YIPF4: variants seen among roughly 807,000 people sequenced by gnomAD.
The protein encoded by YIPF4 is Yip1 domain family member 4.
In YIPF4, 18 loss-of-function variants were observed where a neutral mutation model predicts 29.4. The observed-to-expected ratio is 0.61, with a 90% CI of 0.42 to 0.91. YIPF4 has a LOEUF of 0.91. YIPF4 is among the 40% of genes least tolerant of loss of function. The probability of loss-of-function intolerance (pLI) is 0.00; values close to 1 mark genes in which losing one functional copy is unlikely to be tolerated. For missense variants in YIPF4, 279 were observed against 282.7 expected, an observed-to-expected ratio of 0.99 and a Z score of 0.09; for synonymous variants, 115 against 104.7, an observed-to-expected ratio of 1.10 and a Z score of -0.60.
rs58034160 is a variant in YIPF4 at position 32,281,914 on chromosome 2, A to AAAAATT, written c.79+3681_79+3682insAAATTA. On this transcript the variant is annotated intron_variant, in intron 1 of 5. Transcript: ENST00000238831. The stretch of plus-strand genomic sequence containing the variant: ...TGTCTCAAAAAAAAAAAAAAAAAAA[A>AAAAATT]AGGCAACCATGGTAGTGCACACCTG... Among the ~76,000 whole-genome samples the AAAAATT allele has an allele frequency of 2.8e-3, 412 of 145,494 alleles. 3 individuals carry two copies. Among genetic ancestry groups the AAAAATT allele is most frequent in the Admixed American group, 6.2e-3 (87 of 14,102 alleles).
At chr2:32,282,056 C>G (rs2030441829) in intron 1 of YIPF4, among the ~76,000 whole-genome samples, 1 of 150,482 alleles carries the variant, frequency 6.6e-6, no homozygotes, top group South Asian at 2.1e-4. Flanking sequence ...AAGCAAGACC[C>G]TGGCTGAAAA....
intron 3 of YIPF4, 152 bp downstream of exon 3, chr2:32,292,500 TTAAA>T (rs1258380391): frequency 3.6e-6 from 2 of 562,612 alleles, no homozygotes; most frequent in African/African-American, 3.9e-5. Flanking sequence ...CGTTCCATAA[TTAAA>T]TAAGTGAGGA....
rs1460202010 is a variant in YIPF4 at position 32,315,191 on chromosome 2, A to C, written c.*9565A>C. 1.3e-5 allele frequency: 2 copies of C among 152,188 alleles called. No homozygotes were observed. Among genetic ancestry groups the C allele is most frequent in the African/African-American group, 2.4e-5 (1 of 41,456 alleles). 9.4% of individuals were successfully genotyped at this position (152,188 alleles called of 1,614,324 possible). ...TACATCTACATTTCAAGCAGGAAGA[A>C]GATGAAGCTTAAGAGACCAAATGGA... On this transcript the variant is annotated 3_prime_UTR_variant, in exon 6 of 6. Transcript: ENST00000238831.
At chr2:32,294,825 G>A (rs2031104191) in intron 3 of YIPF4, among the ~76,000 whole-genome samples, 1 of 152,248 alleles carries the variant, frequency 6.6e-6, no homozygotes, top group Non-Finnish European at 1.5e-5. Flanking sequence ...GGCACCTCCG[G>A]AGGCCGAGGC....
intron 3 of YIPF4, among the ~76,000 whole-genome samples, chr2:32,292,879 A>G (rs952295844): frequency 6.6e-4 from 99 of 150,878 alleles, no homozygotes; most frequent in East Asian, 3.3e-3. Context: ...AAAAAAAAAA[A>G]AAAAGAAAAT....
intron 1 of YIPF4, among the ~76,000 whole-genome samples, chr2:32,289,302 T>C (rs1238130020): frequency 6.6e-6 from 1 of 152,370 alleles, no homozygotes; most frequent in East Asian, 1.9e-4. Flanking sequence ...AGCTTCAGAA[T>C]GTAAACATTT....
At chr2:32,287,138 G>A (rs1023819766) in intron 1 of YIPF4, among the ~76,000 whole-genome samples, 1 of 152,058 alleles carries the variant, frequency 6.6e-6, no homozygotes, top group African/African-American at 2.4e-5. Flanking sequence ...CCAGCTACTC[G>A]AGAGGCTGAG....
At position 32,307,021 on chromosome 2, in the gene YIPF4, A is replaced by G; in HGVS notation, c.*1395A>G. The G allele has an allele frequency of 2.1e-6, 2 of 937,996 alleles. No homozygotes were observed. The highest frequency in any genetic ancestry group is 2.9e-6 in the Non-Finnish European group (2 of 695,408). 58.1% of individuals were successfully genotyped at this position (937,996 alleles called of 1,614,324 possible). On this transcript the variant is annotated 3_prime_UTR_variant, in exon 6 of 6. Coordinates refer to ENST00000238831, the MANE Select transcript of YIPF4 (RefSeq NM_032312.4). Reference sequence around the variant, plus strand: ...CCCAAAAGGAAAGAAAGAAAAACTTATTTTAAGCTGCAGAAAAAGTGTGGA... The same window carrying G: ...CCCAAAAGGAAAGAAAGAAAAACTTGTTTTAAGCTGCAGAAAAAGTGTGGA...
Position 32,281,954 on chromosome 2 carries a change from A to G in YIPF4, c.79+3720A>G, listed in dbSNP as rs554420156. On this transcript the variant is annotated intron_variant, in intron 1 of 5. Coordinates refer to ENST00000238831, the MANE Select transcript of YIPF4 (RefSeq NM_032312.4). ...GTGCACACCTGTGGTCCCAGCTACCATGGGGTCAGCTACTCTGAGTCTCAC... is the reference window on the plus strand; with the variant it reads ...GTGCACACCTGTGGTCCCAGCTACCGTGGGGTCAGCTACTCTGAGTCTCAC... Among the ~76,000 whole-genome samples, 309 of 150,806 alleles carry G rather than the reference A, an allele frequency of 2.0e-3. 2 individuals carry two copies. The highest frequency in any genetic ancestry group is 7.2e-3 in the African/African-American group (296 of 41,160).
intron 4 of YIPF4, among the ~76,000 whole-genome samples, chr2:32,300,382 C>T (rs2031357553): frequency 6.6e-6 from 1 of 150,576 alleles, no homozygotes; most frequent in African/African-American, 2.4e-5. Flanking sequence ...TGCGGTGAGC[C>T]GAGATCGCGC....
intron 1 of YIPF4, among the ~76,000 whole-genome samples, chr2:32,280,509 G>T (rs1471009744): frequency 6.6e-6 from 1 of 151,282 alleles, no homozygotes; most frequent in African/African-American, 2.4e-5. Flanking sequence ...CTCCCGAGTA[G>T]CTAGGACTAC....
At chr2:32,292,720 T>G (rs2030970563) in intron 3 of YIPF4, among the ~76,000 whole-genome samples, 1 of 151,706 alleles carries the variant, frequency 6.6e-6, no homozygotes, top group South Asian at 2.1e-4. Context: ...AAAAAGTATC[T>G]GGGTGTGGTG....
intron 1 of YIPF4, among the ~76,000 whole-genome samples, chr2:32,282,018 G>A (rs1389560616): frequency 6.6e-6 from 1 of 150,750 alleles, no homozygotes; most frequent in Non-Finnish European, 1.5e-5. Context: ...AGCTGTGATT[G>A]TGCCAGTGTG....
At position 32,290,519 on chromosome 2, in the gene YIPF4, T is replaced by G. The variant is rs2030864423; in HGVS notation, c.116T>G (p.Leu39Ter). ...SGSIASPDVK[L>*]NLGGDFIKES... ...TCAATAGCATCCCCAGATGTCAAAT[T>G]AAATCTTGGTGGAGATTTTATCAAA... The change falls in exon 2 of 6, where the codon TTA (leucine) becomes TGA (stop). Residue 39 changes from leucine (L) to a stop codon, truncating the protein, a stop_gained. Coordinates refer to ENST00000238831, the MANE Select transcript of YIPF4 (RefSeq NM_032312.4). LOFTEE classifies it high-confidence loss of function. 6.3e-7 allele frequency: 1 copy of G among 1,578,220 alleles called. No individual in the cohort carries two copies. Among genetic ancestry groups the G allele is most frequent in the South Asian group, 1.2e-5 (1 of 85,398 alleles).
chr2:32,278,979 A>G (rs1395422364), intron 1 of YIPF4, among the ~76,000 whole-genome samples: 3 of 146,180 alleles, frequency 2.1e-5, no homozygotes, highest in African/African-American at 7.7e-5. Context: ...AGTCATTTTC[A>G]ATTTTTTTTT....
chr2:32,301,251 A>G (rs112291412), intron 4 of YIPF4, 131 bp from the exon 5 acceptor site: 18 of 632,386 alleles, frequency 2.8e-5, no homozygotes, highest in African/African-American at 1.7e-4. Flanking sequence ...AATAATGAGT[A>G]TAATAGTTTA....
In YIPF4 at chr2:32,315,014, G is replaced by A. The variant is rs1014675187; in HGVS notation, c.*9388G>A. The A allele has an allele frequency of 5.6e-4, 85 of 152,218 alleles. No individual in the cohort carries two copies. Among genetic ancestry groups the A allele is most frequent in the African/African-American group, 1.9e-3 (78 of 41,540 alleles). The allele number at this position is 152,218 out of a possible 1,614,324, so 9.4% of individuals were successfully genotyped here. On this transcript the variant is annotated 3_prime_UTR_variant, in exon 6 of 6. Coordinates refer to ENST00000238831, the MANE Select transcript of YIPF4 (RefSeq NM_032312.4). Reference sequence around the variant, plus strand: ...CTTCACTGTGAGTTTATTTTTTCACGTAATAAATCCAAGGTTACATAATCC... The same window carrying A: ...CTTCACTGTGAGTTTATTTTTTCACATAATAAATCCAAGGTTACATAATCC...
At chr2:32,283,164 C>G (rs939920469) in intron 1 of YIPF4, among the ~76,000 whole-genome samples, 3 of 150,806 alleles carry the variant, frequency 2.0e-5, no homozygotes, top group Non-Finnish European at 4.4e-5. Flanking sequence ...GTTAAGTGTT[C>G]AACATATGTG....
chr2:32,289,015 A>G (rs778576750), intron 1 of YIPF4, among the ~76,000 whole-genome samples: 10 of 152,196 alleles, frequency 6.6e-5, no homozygotes, highest in Non-Finnish European at 1.3e-4. Flanking sequence ...ATAGACTTTT[A>G]AATTCCACCT....
Sources: allele counts gnomAD v4.1 joint callset (sites outside exome capture counted in the v4.1 genomes callset), GRCh38; gene constraint gnomAD v4.1.1; transcripts MANE v1.5; gene names NCBI Gene and HGNC (gene_info 2026-07-23, HGNC 2026-07-21).